The following LCA5L variants were observed in gnomAD, a reference collection of about 807,000 sequenced individuals.
LCA5L encodes lebercilin LCA5 like.
Under a neutral mutation model 45.4 loss-of-function variants are expected in LCA5L, and 35 were observed. The ratio of observed to expected loss-of-function variants is 0.77; its 90% CI spans 0.59 to 1.02. The LOEUF (loss-of-function observed/expected upper bound fraction) is 1.02, where lower values mean the gene tolerates loss of function less well. Among genes scored for constraint, LCA5L ranks in the 50% least tolerant of loss-of-function variants. The pLI is 0.00. For missense variants in LCA5L, 668 were observed against 761.6 expected (o/e 0.88, Z 1.45); for synonymous variants, 233 against 264.7 (o/e 0.88, Z 1.16).
At chr21:39,432,148 G>A (rs978596517) in intron 3 of LCA5L, among the ~76,000 whole-genome samples, 3 of 152,120 alleles carry the variant, frequency 2.0e-5, no homozygotes, top group Admixed American at 6.5e-5. Context: ...TTACAACTTG[G>A]TAAGATCAGT....
At chr21:39,441,483 A>C (rs1053979282) in intron 2 of LCA5L, among the ~76,000 whole-genome samples, 1 of 152,200 alleles carries the variant, frequency 6.6e-6, no homozygotes, top group Admixed American at 6.5e-5. Context: ...TAAAATCCAT[A>C]AATGAAATAT....
Position 39,409,926 on chromosome 21 carries a change from AT to A in LCA5L, c.1282+52del, listed in dbSNP as rs1472411326. The stretch of plus-strand genomic sequence containing the variant: ...GTGTGCTTTATATACACATATAGTA[AT>A]TCACAATTTTAAAGAAATCAGATAA... On this transcript the variant is annotated intron_variant, in intron 10 of 10. Coordinates refer to ENST00000288350, the MANE Select transcript of LCA5L (RefSeq NM_152505.4). The surrounding 1 kb of genome is among the most constrained non-coding windows in gnomAD (Gnocchi z 4.2). 10 of 1,040,932 alleles carry A rather than the reference AT, an allele frequency of 9.6e-6. No individual in the cohort carries two copies. Among genetic ancestry groups the A allele is most frequent in the African/African-American group, 1.6e-5 (1 of 62,304 alleles). The allele number at this position is 1,040,932 out of a possible 1,614,324, so 64.5% of individuals were successfully genotyped here.
intron 7 of LCA5L, among the ~76,000 whole-genome samples, chr21:39,413,678 C>T (rs1294184609): frequency 8.5e-5 from 13 of 152,178 alleles, no homozygotes; most frequent in Admixed American, 8.5e-4. Context: ...ACAGTAAATG[C>T]TGACAGTTCA....
chr21:39,433,351 G>A (rs1358588906), intron 3 of LCA5L, among the ~76,000 whole-genome samples: 1 of 150,242 alleles, frequency 6.7e-6, no homozygotes, highest in Non-Finnish European at 1.5e-5. Flanking sequence ...CCAGGAGGTG[G>A]AGGTTGCAGT....
Position 39,423,386 on chromosome 21 carries a change from T to C in LCA5L, c.427A>G (p.Ile143Val). ...AQRRDAMAHR[I>V]LSARLHKIKG... ...ATTTTATGAAGCCTTGCTGAGAGTA[T>C]TCGATGAGCCATAGCATCTCTTCTT... is the stretch of plus-strand genomic sequence containing the variant. The change falls in exon 6 of 11, where the codon ATA becomes GTA. Residue 143 changes from isoleucine to valine, a missense_variant. Physicochemically the swap from Ile to Val is conservative, Grantham distance 29 (BLOSUM62 3). Coordinates refer to ENST00000288350, the MANE Select transcript of LCA5L (RefSeq NM_152505.4). The C allele has an allele frequency of 1.9e-6, 3 of 1,611,734 alleles. No individual in the cohort carries two copies. In the African/African-American group the frequency reaches 4.0e-5, roughly 21 times the overall value.
chr21:39,410,166 A>G, intron 9 of LCA5L, 70 bp from the exon 10 acceptor site: 1 of 1,257,874 alleles, frequency 7.9e-7, no homozygotes, highest in Non-Finnish European at 1.2e-6. Flanking sequence ...ATTTTATTCT[A>G]ATGACTACAA....
At position 39,436,635 on chromosome 21, in the gene LCA5L, C is replaced by A. The variant is rs767511695; in HGVS notation, c.-245-1062G>T. 4.3e-4 allele frequency among the ~76,000 whole-genome samples: 65 copies of A among 152,100 alleles called. 1 individual carries two copies. The highest frequency in any genetic ancestry group is 1.3e-4 in the Non-Finnish European group (9 of 68,016). On this transcript the variant is annotated intron_variant, in intron 2 of 10. Transcript: ENST00000288350. ...TAGCTGGGACTACAGGCATGTGTCA[C>A]CATGCCCAACTAATTTTTTTATTTT...
At position 39,414,742 on chromosome 21, in the gene LCA5L, C is replaced by CTCTGTGTGTGTG. The variant is rs1341489035; in HGVS notation, c.976-2941_976-2940insCACACACACAGA. ...TCTCTCTCTCTCTCTCTCTCTCTCT[C>CTCTGTGTGTGTG]TGTGTGTGTGTGTGTGTGTGTGTGT... On this transcript the variant is annotated intron_variant, in intron 7 of 10. Coordinates refer to ENST00000288350, the MANE Select transcript of LCA5L (RefSeq NM_152505.4). Among the ~76,000 whole-genome samples the CTCTGTGTGTGTG allele has an allele frequency of 2.7e-3, 269 of 99,208 alleles. 3 individuals are homozygous for CTCTGTGTGTGTG. The highest frequency in any genetic ancestry group is 0.011 in the African/African-American group (245 of 22,726). 65.1% of individuals were successfully genotyped at this position (99,208 alleles called of 152,430 possible). A position where few individuals can be genotyped will look rare whatever the true frequency, so the allele number is the denominator to read the frequency against.
Position 39,409,918 on chromosome 21 carries a change from A to G in LCA5L, c.1282+61T>C, listed in dbSNP as rs1453708817. The G allele has an allele frequency of 2.1e-6, 2 of 958,836 alleles. No individual in the cohort carries two copies. The highest frequency in any genetic ancestry group is 3.3e-5 in the African/African-American group (2 of 60,572). The allele number at this position is 958,836 out of a possible 1,614,324, so 59.4% of individuals were successfully genotyped here. On this transcript the variant is annotated intron_variant, in intron 10 of 10. Transcript: ENST00000288350. The surrounding 1 kb of genome is among the most constrained non-coding windows in gnomAD (Gnocchi z 4.2). ...TGTTTTATGTGTGCTTTATATACAC[A>G]TATAGTAATTCACAATTTTAAAGAA...
chr21:39,416,166 G>C (rs1306096914), intron 7 of LCA5L, among the ~76,000 whole-genome samples: 1 of 152,182 alleles, frequency 6.6e-6, no homozygotes, highest in African/African-American at 2.4e-5. Context: ...CGTTCATACA[G>C]GGAAGGTAAA....
intron 3 of LCA5L, among the ~76,000 whole-genome samples, chr21:39,434,458 C>G (rs1274177541): frequency 6.6e-6 from 1 of 152,060 alleles, no homozygotes; most frequent in Non-Finnish European, 1.5e-5. Context: ...GTGTAGTTTC[C>G]ACATACAAAT....
At chr21:39,432,791 TTCAC>T (rs2075873657) in intron 3 of LCA5L, among the ~76,000 whole-genome samples, 1 of 152,224 alleles carries the variant, frequency 6.6e-6, no homozygotes, top group Non-Finnish European at 1.5e-5. Context: ...GTTGGCTTCT[TTCAC>T]TCAGCATTAT....
intron 8 of LCA5L, 112 bp downstream of exon 8, chr21:39,411,606 T>TA (rs1256240756): frequency 1.9e-6 from 1 of 517,976 alleles, no homozygotes; most frequent in Non-Finnish European, 3.5e-6. Context: ...AAATGTATTT[T>TA]AATGCCTAAT....
intron 10 of LCA5L, among the ~76,000 whole-genome samples, chr21:39,406,912 C>T (rs1476183248): frequency 6.6e-6 from 1 of 152,188 alleles, no homozygotes; most frequent in East Asian, 1.9e-4. Context: ...TTTAACATCA[C>T]TAACTGGACA....
At chr21:39,420,191 A>G (rs1181101118) in intron 7 of LCA5L, among the ~76,000 whole-genome samples, 2 of 152,120 alleles carry the variant, frequency 1.3e-5, no homozygotes, top group African/African-American at 2.4e-5. Flanking sequence ...TGTTCATATG[A>G]TTGTAGAGAA....
At chr21:39,438,623 C>T (rs2076513630) in intron 2 of LCA5L, 1 of 152,094 alleles carries the variant, frequency 6.6e-6, no homozygotes, top group African/African-American at 2.4e-5. Context: ...TGCATTACAG[C>T]ATAAACACAT....
chr21:39,429,612 T>C (rs991167987), intron 3 of LCA5L, among the ~76,000 whole-genome samples: 1 of 152,116 alleles, frequency 6.6e-6, no homozygotes, highest in African/African-American at 2.4e-5. Context: ...AACACCACAT[T>C]GGTGGGAGCA....
chr21:39,428,423 C>T lies in LCA5L; in HGVS notation c.71G>A (p.Arg24Lys). The T allele has an allele frequency of 6.2e-7, 1 of 1,612,024 alleles. No individual in the cohort carries two copies. Among genetic ancestry groups the T allele is most frequent in the South Asian group, 1.1e-5 (1 of 90,858 alleles). The stretch of plus-strand genomic sequence containing the variant: ...GCTTCTCTTGCATGCTGCAGACCTC[C>T]TATTGTTTTCTAATGCCACGCCGAA... ...HFFGVALENN[R>K]RSAACKRSPG... The change falls in exon 5 of 11, where the codon AGG becomes AAG. Residue 24 changes from arginine to lysine, a missense_variant. Arg to Lys is a conservative substitution (Grantham distance 26, BLOSUM62 2). Coordinates refer to ENST00000288350, the MANE Select transcript of LCA5L (RefSeq NM_152505.4).
chr21:39,411,823 A>G, intron 7 of LCA5L, 21 bp from the exon 8 acceptor site: 1 of 1,398,190 alleles, frequency 7.2e-7, no homozygotes, highest in Non-Finnish European at 1.0e-6. Context: ...CCACAAAACC[A>G]ATTTTTCTAT....
Sources: allele counts gnomAD v4.1 joint callset (sites outside exome capture counted in the v4.1 genomes callset), GRCh38; gene constraint gnomAD v4.1.1; non-coding constraint Gnocchi (gnomAD v3.1); transcripts MANE v1.5; gene names NCBI Gene and HGNC (gene_info 2026-07-23, HGNC 2026-07-21).